The following CEP104 variants were observed in gnomAD, a reference collection of about 807,000 sequenced individuals.
CEP104 encodes the protein centrosomal protein 104.
CEP104 carries 84 observed loss-of-function variants against 113.3 expected under a neutral mutation model. The ratio of observed to expected loss-of-function variants is 0.74; its 90% CI spans 0.62 to 0.89. The LOEUF is 0.89. CEP104 is among the 40% of genes least tolerant of loss of function. The pLI, the probability that CEP104 is intolerant of heterozygous loss-of-function variation, is 0.00. For synonymous variants in CEP104, 378 were observed against 421.7 expected, an observed-to-expected ratio of 0.90 and a Z score of 1.27; for missense variants, 1,053 against 1,156.6, an observed-to-expected ratio of 0.91 and a Z score of 1.30.
chr1:3,837,501 A>G lies in CEP104; in HGVS notation c.910T>C (p.Leu304=). The G allele has an allele frequency of 6.2e-7, 1 of 1,614,198 alleles. No homozygotes were observed. Among genetic ancestry groups the G allele is most frequent in the Non-Finnish European group, 8.5e-7 (1 of 1,180,044 alleles). ...GAACGAGCGAGGGGCTGGAGGGGCA[A>G]ATCAAAAGGTCTTCGCATCTAGAGA... ...DAELMRRPFD[L]PLQPLARSGS... is the part of the protein sequence containing the mutation. The change falls in exon 9 of 22, where the codon TTG becomes CTG. Residue 304 remains leucine, a synonymous_variant. Coordinates refer to ENST00000378230, the MANE Select transcript of CEP104 (RefSeq NM_014704.4).
Position 3,836,632 on chromosome 1 carries a change from C to A in CEP104, c.1180G>T (p.Ala394Ser), listed in dbSNP as rs750738856. The A allele has an allele frequency of 6.2e-7, 1 of 1,613,970 alleles. No homozygotes were observed. Among genetic ancestry groups the A allele is most frequent in the South Asian group, 1.1e-5 (1 of 91,070 alleles). The change falls in exon 10 of 22, where the codon GCA becomes TCA. Residue 394 changes from alanine (A) to serine (S), a missense_variant. By Grantham distance (99) the Ala-to-Ser change is moderately conservative. Transcript: ENST00000378230. ...TTACTCATTTCCGGCTCCACCACTG[C>A]CTCCCCATAATGCTTACGAATAGCT... ...LPAIRKHYGE[A>S]VVEPEMSNAD... is the part of the protein sequence containing the mutation.
At chr1:3,840,338 G>T (rs1000064390) in intron 6 of CEP104, among the ~76,000 whole-genome samples, 38 of 152,100 alleles carry the variant, frequency 2.5e-4, no homozygotes, top group African/African-American at 9.2e-4. Flanking sequence ...CCGGGTTCAG[G>T]CGATTCTCCT....
At position 3,813,656 on chromosome 1, in the gene CEP104, C is replaced by G. The variant is rs1441350094; in HGVS notation, c.*1746G>C. On this transcript the variant is annotated 3_prime_UTR_variant, in exon 22 of 22. Transcript: ENST00000378230. ...ATGAGGTCACGAGTTCGAGACCAGC[C>G]TGGCCAACATGGTGAAACCCCATCT... 1 of 151,232 alleles carries G rather than the reference C, an allele frequency of 6.6e-6. No homozygotes were observed. Among genetic ancestry groups the G allele is most frequent in the Non-Finnish European group, 1.5e-5 (1 of 67,810 alleles). 9.4% of individuals were successfully genotyped at this position (151,232 alleles called of 1,614,324 possible).
At chr1:3,837,649 T>G in intron 8 of CEP104, 130 bp from the exon 9 acceptor site, 1 of 773,904 alleles carries the variant, frequency 1.3e-6, no homozygotes, top group African/African-American at 1.8e-5. Flanking sequence ...ATGAAAAATT[T>G]CAAAACCAAA....
At chr1:3,815,621 T>G (rs1643868975) in intron 21 of CEP104, 104 bp from the exon 22 acceptor site, 4 of 738,042 alleles carry the variant, frequency 5.4e-6, no homozygotes, top group Non-Finnish European at 8.7e-6. Context: ...CCCAGGCCCA[T>G]GCTGATGGCC....
chr1:3,815,621 T>C (rs1643868975), intron 21 of CEP104, 104 bp from the exon 22 acceptor site: 5 of 737,978 alleles, frequency 6.8e-6, no homozygotes, highest in Non-Finnish European at 1.1e-5. Flanking sequence ...CCCAGGCCCA[T>C]GCTGATGGCC....
chr1:3,825,291 A>T (rs1169693481), intron 18 of CEP104, among the ~76,000 whole-genome samples: 1 of 152,218 alleles, frequency 6.6e-6, no homozygotes, highest in East Asian at 1.9e-4. Context: ...AAGAAAGTGC[A>T]TTCCTGTGCA....
chr1:3,846,842 C>T (rs2124689783), intron 4 of CEP104, among the ~76,000 whole-genome samples: 1 of 151,866 alleles, frequency 6.6e-6, no homozygotes, highest in Admixed American at 6.6e-5. Flanking sequence ...GCTTTGGACA[C>T]AATTGATTTC....
rs1422457646 is a variant in CEP104, at chr1:3,819,376, CCA to C, written c.2572-3008_2572-3007del. Among the ~76,000 whole-genome samples the C allele has an allele frequency of 6.6e-6, 1 of 152,030 alleles. No individual in the cohort carries two copies. The highest frequency in any genetic ancestry group is 2.4e-5 in the African/African-American group (1 of 41,374). ...TTGTCTTTTGGGTGATGGAAAAGTT[CCA>C]CACGTGTGCAGATGGTTGCAGAACC... On this transcript the variant is annotated intron_variant, in intron 20 of 21. Transcript: ENST00000378230. The surrounding 1 kb of genome is among the most constrained non-coding windows in gnomAD (Gnocchi z 4.6).
At position 3,826,429 on chromosome 1, in the gene CEP104, T is replaced by C. The variant is rs570483437; in HGVS notation, c.2196A>G (p.Gln732=). 47 of 1,613,426 alleles carry C rather than the reference T, an allele frequency of 2.9e-5. No individual in the cohort carries two copies. The highest frequency in any genetic ancestry group is 2.7e-4 in the East Asian group (12 of 44,880). The part of the protein sequence containing the change: ...DAVKPKNQDI[Q]GGKAAPAEAL... Reference sequence around the variant, plus strand: ...CTTCAGCAGGGGCTGCTTTCCCTCCTTGAATGTCTGAAGAGATTAAAACAA... The same window carrying C: ...CTTCAGCAGGGGCTGCTTTCCCTCCCTGAATGTCTGAAGAGATTAAAACAA... Residue 732 remains glutamine (Q), a synonymous_variant, in exon 17 of 22, where the codon CAA becomes CAG. Coordinates refer to ENST00000378230, the MANE Select transcript of CEP104 (RefSeq NM_014704.4).
intron 2 of CEP104, among the ~76,000 whole-genome samples, chr1:3,849,907 T>C (rs1189649661): frequency 6.6e-6 from 1 of 152,184 alleles, no homozygotes; most frequent in East Asian, 1.9e-4. Flanking sequence ...TATACAGTCA[T>C]GCACTGCATG....
rs772971260 is a variant in CEP104, at chr1:3,829,846, G to A, written c.1988C>T (p.Thr663Ile). Residue 663 changes from threonine (T) to isoleucine (I), a missense_variant, in exon 14 of 22, where the codon ACA becomes ATA. Thr to Ile is a moderately conservative substitution (Grantham distance 89). Coordinates refer to ENST00000378230, the MANE Select transcript of CEP104 (RefSeq NM_014704.4). ...TATTTTAGCAAATCCCTCAAAAATT[G>A]TTTTGTAGAGAATGTTCCTGCGTGT... ...SNTRRNILYK[T>I]IFEGFAKIDG... 76 of 1,614,072 alleles carry A rather than the reference G, an allele frequency of 4.7e-5. 1 individual carries two copies. Among genetic ancestry groups the A allele is most frequent in the Non-Finnish European group, 1.7e-6 (2 of 1,180,040 alleles).
At chr1:3,845,405 A>C in intron 4 of CEP104, 54 bp from the exon 5 acceptor site, 1 of 1,305,504 alleles carries the variant, frequency 7.7e-7, no homozygotes, top group Non-Finnish European at 1.1e-6. Context: ...AAATGACTTA[A>C]CCCTTTTATT....
intron 12 of CEP104, chr1:3,833,631 G>A: frequency 2.5e-6 from 1 of 392,408 alleles, no homozygotes; most frequent in Non-Finnish European, 4.5e-6. Flanking sequence ...AAAATTAATG[G>A]CATATGTTGG....
Position 3,843,027 on chromosome 1 carries a change from A to G in CEP104, c.566+1880T>C, listed in dbSNP as rs3765776. 1.7e-3 allele frequency: 778 copies of G among 463,646 alleles called. 10 individuals are homozygous for G. Among genetic ancestry groups the G allele is most frequent in the East Asian group, 0.013 (365 of 28,708 alleles). 28.7% of individuals were successfully genotyped at this position (463,646 alleles called of 1,614,324 possible). A position where few individuals can be genotyped will look rare whatever the true frequency, so the allele number is the denominator to read the frequency against. ...GGTCTTGAATTCCTGACCTCAAGTGATCTGCCCAACTCAGCCTCCCAAAGT... is the reference window on the plus strand; with the variant it reads ...GGTCTTGAATTCCTGACCTCAAGTGGTCTGCCCAACTCAGCCTCCCAAAGT... On this transcript the variant is annotated intron_variant, in intron 6 of 21. Transcript: ENST00000378230.
chr1:3,826,544 C>T (rs1167479407), intron 16 of CEP104, 108 bp from the exon 17 acceptor site: 9 of 1,321,412 alleles, frequency 6.8e-6, no homozygotes, highest in East Asian at 4.8e-5. Flanking sequence ...AAAAAGGTAG[C>T]ATGTTTTCCA....
chr1:3,829,712 TTTAC>T, intron 14 of CEP104, 75 bp downstream of exon 14: 1 of 1,430,148 alleles, frequency 7.0e-7, no homozygotes, highest in Admixed American at 1.7e-5. Context: ...AAATGACATA[TTTAC>T]TTATTTACGT....
chr1:3,839,014 C>T lies in CEP104; in HGVS notation c.841G>A (p.Ala281Thr), dbSNP rs201046615. Residue 281 changes from alanine to threonine, a missense_variant, in exon 8 of 22, where the codon GCC becomes ACC. Coordinates refer to ENST00000378230, the MANE Select transcript of CEP104 (RefSeq NM_014704.4). ...AGCTCCAGCTGCTCGTACACCTCGG[C>T]ACGATACTGCTCCATCTGCTGCTTC... ...EKKQQMEQYR[A>T]EVYEQLELHS... 12 of 1,614,078 alleles carry T rather than the reference C, an allele frequency of 7.4e-6. No homozygotes were observed. The highest frequency in any genetic ancestry group is 9.3e-6 in the Non-Finnish European group (11 of 1,180,052).
At chr1:3,845,921 C>G (rs1644497637) in intron 4 of CEP104, among the ~76,000 whole-genome samples, 1 of 151,912 alleles carries the variant, frequency 6.6e-6, no homozygotes, top group African/African-American at 2.4e-5. Context: ...AACTCCGTCT[C>G]TACTAAAAAT....
Sources: allele counts gnomAD v4.1 joint callset (sites outside exome capture counted in the v4.1 genomes callset), GRCh38; gene constraint gnomAD v4.1.1; non-coding constraint Gnocchi (gnomAD v3.1); transcripts MANE v1.5; gene names NCBI Gene and HGNC (gene_info 2026-07-23, HGNC 2026-07-21).